DPYSL3: variants seen among roughly 807,000 people sequenced by gnomAD.
DPYSL3 encodes the protein dihydropyrimidinase like 3, also known as dihydropyrimidinase-related protein 3.
In DPYSL3, 16 loss-of-function variants were observed where a neutral mutation model predicts 66.1. The ratio of observed to expected loss-of-function variants is 0.24; its 90% CI spans 0.16 to 0.37. DPYSL3 has a LOEUF of 0.37. DPYSL3 is among the 10% of genes least tolerant of loss of function. The pLI is 1.00. For synonymous variants in DPYSL3, 338 were observed against 345.1 expected, an observed-to-expected ratio of 0.98 and a Z score of 0.23; for missense variants, 738 against 916.2, an observed-to-expected ratio of 0.81 and a Z score of 2.51.
intron 1 of DPYSL3, among the ~76,000 whole-genome samples, chr5:147,502,641 G>A (rs181799103): frequency 3.6e-5 from 5 of 139,292 alleles, no homozygotes; most frequent in Non-Finnish European, 7.5e-5. Flanking sequence ...CAGTGGCGCA[G>A]TCTCGGCTCA....
chr5:147,438,931 G>C (rs969762759), intron 1 of DPYSL3, among the ~76,000 whole-genome samples: 16 of 152,162 alleles, frequency 1.1e-4, no homozygotes, highest in African/African-American at 3.9e-4. Context: ...CATTCATTCA[G>C]GGGTAGACTG....
At chr5:147,453,428 G>A (rs1752776599) in intron 1 of DPYSL3, 1 of 1,359,142 alleles carries the variant, frequency 7.4e-7, no homozygotes, top group Non-Finnish European at 9.5e-7. Flanking sequence ...CCGGACCCCG[G>A]GTCTCCGTCC....
intron 11 of DPYSL3, 58 bp from the exon 12 acceptor site, chr5:147,397,903 T>G: frequency 9.7e-7 from 1 of 1,029,994 alleles, no homozygotes; most frequent in Admixed American, 2.8e-5. Context: ...GGAACGTACC[T>G]TCTCTCCTTG....
chr5:147,478,114 A>G (rs1259559074), intron 1 of DPYSL3, among the ~76,000 whole-genome samples: 2 of 152,336 alleles, frequency 1.3e-5, no homozygotes, highest in Admixed American at 6.5e-5. Flanking sequence ...TATGCACTAC[A>G]TAAGATATCT....
intron 8 of DPYSL3, 190 bp from the exon 9 acceptor site, chr5:147,401,886 T>A: frequency 1.9e-6 from 1 of 526,064 alleles, no homozygotes; most frequent in Non-Finnish European, 3.1e-6. Context: ...CAAGTTTGTA[T>A]TCTCTAGATT....
intron 10 of DPYSL3, among the ~76,000 whole-genome samples, chr5:147,399,709 G>A (rs72833331): frequency 0.18 from 27,120 of 152,060 alleles, 2,753 homozygotes; most frequent in East Asian, 0.27. Flanking sequence ...AGATATTTTT[G>A]TTTTCTTTCA....
At chr5:147,508,920 G>T (rs373841534) in intron 1 of DPYSL3, among the ~76,000 whole-genome samples, 1 of 152,146 alleles carries the variant, frequency 6.6e-6, no homozygotes, top group Non-Finnish European at 1.5e-5. Context: ...AGAGATTCGC[G>T]TGTTTAGTCT....
rs907468553 is a variant in DPYSL3, at chr5:147,479,281, G to T, written c.381+30197C>A. 2.0e-5 allele frequency among the ~76,000 whole-genome samples: 3 copies of T among 152,296 alleles called. No individual in the cohort carries two copies. In the East Asian group the frequency reaches 5.8e-4, roughly 29 times the overall value. Reference sequence around the variant, plus strand: ...TAGAGCTAATAAAACACTGAGCAGGGATTTAAACCCTGGTTGTGTCTACTC... The same window carrying T: ...TAGAGCTAATAAAACACTGAGCAGGTATTTAAACCCTGGTTGTGTCTACTC... On this transcript the variant is annotated intron_variant, in intron 1 of 13. Coordinates refer to ENST00000343218, the MANE Select transcript of DPYSL3 (RefSeq NM_001197294.2).
At position 147,453,071 on chromosome 5, in the gene DPYSL3, G is replaced by A. The variant is rs1489359288; in HGVS notation, c.382-28108C>T. ...GACACCCTGCCACCCTCGCGGCGCAGGGGTCAGAGCCGTGGGGCTGGAGCT... is the reference window on the plus strand; with the variant it reads ...GACACCCTGCCACCCTCGCGGCGCAAGGGTCAGAGCCGTGGGGCTGGAGCT... On this transcript the variant is annotated intron_variant, in intron 1 of 13. Transcript: ENST00000343218. Among the ~76,000 whole-genome samples the A allele has an allele frequency of 2.6e-5, 4 of 152,272 alleles. No homozygotes were observed. In the South Asian group the frequency reaches 8.3e-4, roughly 32 times the overall value.
At chr5:147,487,121 C>T (rs748671553) in intron 1 of DPYSL3, among the ~76,000 whole-genome samples, 7 of 152,224 alleles carry the variant, frequency 4.6e-5, no homozygotes, top group Non-Finnish European at 8.8e-5. Context: ...TCTAGCACTC[C>T]GGTAAAGCTT....
chr5:147,415,950 G>A, intron 3 of DPYSL3, 77 bp from the exon 4 acceptor site: 1 of 1,488,178 alleles, frequency 6.7e-7, no homozygotes, highest in South Asian at 1.3e-5. Context: ...GCTCCTGCTT[G>A]CTTAGCTGTG....
rs372076334 is a variant in DPYSL3, at chr5:147,454,753, T to C, written c.382-29790A>G. On this transcript the variant is annotated intron_variant, in intron 1 of 13. Coordinates refer to ENST00000343218, the MANE Select transcript of DPYSL3 (RefSeq NM_001197294.2). Reference sequence around the variant, plus strand: ...CAGGGCTGACAGACGAAGGTTTATATGTTATTACAAGCAAAACCATGGCCC... The same window carrying C: ...CAGGGCTGACAGACGAAGGTTTATACGTTATTACAAGCAAAACCATGGCCC... Among the ~76,000 whole-genome samples the C allele has an allele frequency of 1.1e-4, 16 of 152,294 alleles. No homozygotes were observed. In the East Asian group the frequency reaches 2.7e-3, roughly 26 times the overall value.
At chr5:147,445,227 C>A (rs889094465) in intron 1 of DPYSL3, among the ~76,000 whole-genome samples, 2 of 152,130 alleles carry the variant, frequency 1.3e-5, no homozygotes, top group African/African-American at 4.8e-5. Context: ...GGACTGGAGG[C>A]CAGACAAGAA....
At chr5:147,439,462 C>G (rs1270607957) in intron 1 of DPYSL3, among the ~76,000 whole-genome samples, 3 of 152,046 alleles carry the variant, frequency 2.0e-5, no homozygotes, top group Non-Finnish European at 4.4e-5. Flanking sequence ...GAGTCACTGA[C>G]AGTCAGTGGC....
At chr5:147,407,139 C>G (rs1369492284) in intron 7 of DPYSL3, among the ~76,000 whole-genome samples, 3 of 152,122 alleles carry the variant, frequency 2.0e-5, no homozygotes, top group Non-Finnish European at 4.4e-5. Context: ...TCACTCCTCC[C>G]ACTTCACACC....
intron 4 of DPYSL3, among the ~76,000 whole-genome samples, chr5:147,414,662 G>A (rs1023742568): frequency 5.9e-5 from 9 of 152,122 alleles, no homozygotes; most frequent in East Asian, 1.9e-4. Context: ...GATTTTCTAC[G>A]CCGGTTGAGA....
intron 2 of DPYSL3, among the ~76,000 whole-genome samples, chr5:147,419,558 C>G (rs369267168): frequency 3.3e-5 from 5 of 152,188 alleles, no homozygotes; most frequent in African/African-American, 1.2e-4. Context: ...CTATGGATAA[C>G]AGGGAGACCT....
chr5:147,412,515 T>A (rs764658950), intron 6 of DPYSL3, 93 bp downstream of exon 6: 9 of 1,273,036 alleles, frequency 7.1e-6, no homozygotes, highest in Non-Finnish European at 8.9e-6. Flanking sequence ...GATGGTGCCT[T>A]GCACATATTG....
intron 1 of DPYSL3, among the ~76,000 whole-genome samples, chr5:147,460,610 G>A (rs995833314): frequency 2.0e-5 from 3 of 152,192 alleles, no homozygotes; most frequent in African/African-American, 7.2e-5. Flanking sequence ...AAGAGAGGGA[G>A]TTGTGTTAAA....
Sources: allele counts gnomAD v4.1 joint callset (sites outside exome capture counted in the v4.1 genomes callset), GRCh38; gene constraint gnomAD v4.1.1; transcripts MANE v1.5; gene names NCBI Gene and HGNC (gene_info 2026-07-23, HGNC 2026-07-21).